Variants in TRPC5 observed in about 807,000 individuals in gnomAD.
TRPC5 encodes short transient receptor potential channel 5.
A neutral mutation model predicts 56.5 loss-of-function variants in TRPC5; 9 were observed. The ratio of observed to expected loss-of-function variants is 0.16; its 90% CI spans 0.10 to 0.28. The LOEUF (loss-of-function observed/expected upper bound fraction) is 0.28, where lower values mean the gene tolerates loss of function less well. TRPC5 is among the 10% of genes least tolerant of loss of function. The probability of loss-of-function intolerance (pLI) is 1.00; values close to 1 mark genes in which losing one functional copy is unlikely to be tolerated. For missense variants in TRPC5, 469 were observed against 748.9 expected, an observed-to-expected ratio of 0.63 and a Z score of 4.36; for synonymous variants, 282 against 278.5, an observed-to-expected ratio of 1.01 and a Z score of -0.13.
intron 1 of TRPC5, among the ~76,000 whole-genome samples, chrX:111,989,562 A>G (rs1415921135): frequency 8.9e-6 from 1 of 112,037 alleles, no homozygotes; most frequent in Non-Finnish European, 1.9e-5. Flanking sequence ...ATTCAAGATA[A>G]CTTTTGAGAA....
intron 3 of TRPC5, among the ~76,000 whole-genome samples, chrX:111,888,132 G>T (rs1164861120): frequency 1.8e-5 from 2 of 111,454 alleles, no homozygotes; most frequent in Non-Finnish European, 3.8e-5. Flanking sequence ...AGGCAGAATA[G>T]CCAGTATAAA....
intron 1 of TRPC5, among the ~76,000 whole-genome samples, chrX:112,040,965 G>A (rs1485149569): frequency 1.8e-5 from 2 of 112,328 alleles, no homozygotes; most frequent in Non-Finnish European, 3.8e-5. Flanking sequence ...CAGAGTGTCT[G>A]GGGCTTAAGT....
intron 7 of TRPC5, among the ~76,000 whole-genome samples, chrX:111,796,063 G>A (rs1603031734): frequency 8.9e-6 from 1 of 111,840 alleles, no homozygotes; most frequent in East Asian, 2.8e-4. Flanking sequence ...CTTCCAGTTT[G>A]TTGATTCTTT....
At chrX:111,934,861 A>G (rs180877821) in intron 2 of TRPC5, among the ~76,000 whole-genome samples, 1 of 112,294 alleles carries the variant, frequency 8.9e-6, no homozygotes, top group Non-Finnish European at 1.9e-5. Flanking sequence ...ATCTTTATCC[A>G]TTCATCTGTT....
Position 111,774,011 on chromosome X carries a change from A to G in TRPC5, c.*2302T>C, listed in dbSNP as rs960076821. Among the ~76,000 whole-genome samples, 7 of 111,784 alleles carry G rather than the reference A, an allele frequency of 6.3e-5. No homozygotes were observed. Among genetic ancestry groups the G allele is most frequent in the Non-Finnish European group, 1.3e-4 (7 of 53,114 alleles). On this transcript the variant is annotated 3_prime_UTR_variant, in exon 11 of 11. Coordinates refer to ENST00000262839, the MANE Select transcript of TRPC5 (RefSeq NM_012471.3). ...CCCCCATCCTAAATGAGGCTTCACT[A>G]TAGCTAGTAAAGTCTTAAGCCCAAG...
chrX:111,982,306 T>C lies in TRPC5; in HGVS notation c.-21-29865A>G, dbSNP rs182762906. On this transcript the variant is annotated intron_variant, in intron 1 of 10. Transcript: ENST00000262839. ...GTTCTAATTTCTGTAACTGGCCATG[T>C]GGTCACAGTTAGCATTTATAACTAC... Among the ~76,000 whole-genome samples, 230 of 112,083 alleles carry C rather than the reference T, an allele frequency of 2.1e-3. 1 individual carries two copies. The highest frequency in any genetic ancestry group is 6.8e-3 in the African/African-American group (211 of 30,902).
At position 111,781,947 on chromosome X, in the gene TRPC5, C is replaced by A; in HGVS notation, c.2088G>T (p.Leu696Phe). ...DPDGRRRRRN[L>F]RSFTERNADS... ...TTAAAAGTCTTACTGTGAAACTTCT[C>A]AAGTTGCGCCTTCTCCGTCTACCGT... The change falls in exon 8 of 11, where the codon TTG becomes TTT. Residue 696 changes from leucine to phenylalanine, a missense_variant. By Grantham distance (22) the Leu-to-Phe change is conservative. This residue lies in a region of TRPC5 where 194 missense variants were observed against 221.8 expected (regional missense o/e 0.87). Coordinates refer to ENST00000262839, the MANE Select transcript of TRPC5 (RefSeq NM_012471.3). The A allele has an allele frequency of 8.4e-7, 1 of 1,185,991 alleles. No homozygotes were observed. The highest frequency in any genetic ancestry group is 1.1e-6 in the Non-Finnish European group (1 of 884,805).
chrX:111,843,198 C>T (rs1922812104), intron 6 of TRPC5, among the ~76,000 whole-genome samples: 1 of 112,692 alleles, frequency 8.9e-6, no homozygotes, highest in Admixed American at 9.4e-5. Flanking sequence ...TGTCTTTTCA[C>T]TCAATTGTTC....
intron 3 of TRPC5, among the ~76,000 whole-genome samples, chrX:111,869,518 T>G: frequency 8.9e-6 from 1 of 112,023 alleles, no homozygotes. Context: ...GGGCTAAGCC[T>G]CACTACTTAG....
chrX:111,973,400 A>C (rs1927834695), intron 1 of TRPC5, among the ~76,000 whole-genome samples: 3 of 112,248 alleles, frequency 2.7e-5, no homozygotes, highest in African/African-American at 9.7e-5. Flanking sequence ...AAAGACTTCA[A>C]GATCTTTAGT....
At chrX:112,023,673 T>C (rs1379993670) in intron 1 of TRPC5, among the ~76,000 whole-genome samples, 1 of 111,732 alleles carries the variant, frequency 8.9e-6, no homozygotes, top group Non-Finnish European at 1.9e-5. Flanking sequence ...TGACCTATTA[T>C]CTCATTATTA....
intron 1 of TRPC5, among the ~76,000 whole-genome samples, chrX:111,983,615 GT>G (rs1928137610): frequency 9.0e-6 from 1 of 111,583 alleles, no homozygotes; most frequent in South Asian, 3.8e-4. Context: ...TCATGAATTA[GT>G]ATATAATCTC....
At chrX:112,077,718 C>T (rs1930866476) in intron 1 of TRPC5, among the ~76,000 whole-genome samples, 1 of 111,727 alleles carries the variant, frequency 9.0e-6, no homozygotes, top group South Asian at 3.8e-4. Context: ...GTTTGCATTG[C>T]TCTATTTTCT....
chrX:112,016,718 C>A (rs946951508), intron 1 of TRPC5, among the ~76,000 whole-genome samples: 2 of 111,733 alleles, frequency 1.8e-5, no homozygotes, highest in African/African-American at 6.5e-5. Context: ...CCCATGTGTG[C>A]ATGTGTGTGT....
At chrX:111,893,933 G>A (rs1924934463) in intron 3 of TRPC5, among the ~76,000 whole-genome samples, 1 of 111,711 alleles carries the variant, frequency 9.0e-6, no homozygotes. Flanking sequence ...GTGAACATTT[G>A]CCCTTTGTGG....
chrX:111,799,074 T>C (rs971545481), intron 7 of TRPC5, among the ~76,000 whole-genome samples: 1 of 110,672 alleles, frequency 9.0e-6, no homozygotes, highest in Non-Finnish European at 1.9e-5. Flanking sequence ...GTTCTGTTCT[T>C]GGGGGGGAAA....
At chrX:112,075,473 C>T (rs957832210) in intron 1 of TRPC5, among the ~76,000 whole-genome samples, 1 of 112,278 alleles carries the variant, frequency 8.9e-6, no homozygotes, top group African/African-American at 3.2e-5. Context: ...TTATGGTAGA[C>T]AAGATATGGC....
chrX:111,799,999 C>T (rs1270514130), intron 7 of TRPC5, among the ~76,000 whole-genome samples: 1 of 112,141 alleles, frequency 8.9e-6, no homozygotes, highest in African/African-American at 3.2e-5. Context: ...CTTTTGACTT[C>T]TTTATGACAG....
chrX:112,059,630 C>T (rs571353409), intron 1 of TRPC5, among the ~76,000 whole-genome samples: 50 of 111,413 alleles, frequency 4.5e-4, no homozygotes, highest in African/African-American at 1.5e-3. Flanking sequence ...TTCTGATAAC[C>T]CCAAATCTCC....
Sources: gnomAD v4.1 joint callset for allele counts (sites outside exome capture counted in the v4.1 genomes callset) on GRCh38, gnomAD v4.1.1 for gene constraint, gnomAD v4.1.1 regional missense constraint, MANE v1.5 for transcripts, NCBI Gene and HGNC (gene_info 2026-07-23, HGNC 2026-07-21) for gene names.